CTDSPL: variants seen among roughly 807,000 people sequenced by gnomAD.
CTDSPL encodes the protein CTD small phosphatase-like protein.
In CTDSPL, 8 loss-of-function variants were observed where a neutral mutation model predicts 30.5. The observed-to-expected ratio is 0.26, with a 90% CI of 0.15 to 0.47. CTDSPL has a LOEUF of 0.47. CTDSPL is among the 20% of genes least tolerant of loss of function. The probability of loss-of-function intolerance (pLI) is 0.99; values close to 1 mark genes in which losing one functional copy is unlikely to be tolerated. For missense variants in CTDSPL, 248 were observed against 366.1 expected, an observed-to-expected ratio of 0.68 and a Z score of 2.63; for synonymous variants, 110 against 137.9, an observed-to-expected ratio of 0.80 and a Z score of 1.42.
rs115883585 is a variant in CTDSPL, at chr3:37,862,294, G to A, written c.79+16G>A. 15,806 of 1,481,986 alleles carry A rather than the reference G, an allele frequency of 0.011. 1,421 individuals carry two copies. The African/African-American group carries it at 0.2, about 19-fold the overall frequency. 91.8% of individuals were successfully genotyped at this position (1,481,986 alleles called of 1,614,324 possible). On this transcript the variant is annotated intron_variant, in intron 1 of 7. Coordinates refer to ENST00000273179, the MANE Select transcript of CTDSPL (RefSeq NM_001008392.2). This position sits in a 1 kb window ranked among gnomAD's most constrained non-coding sequence, Gnocchi z 4.3. Reference sequence around the variant, plus strand: ...GGCGAGAAAGGTGAGGAGGGGCGCAGGCGGCCGCGGGCTGGGGGCGAGCGC... The same window carrying A: ...GGCGAGAAAGGTGAGGAGGGGCGCAAGCGGCCGCGGGCTGGGGGCGAGCGC...
At chr3:37,878,609 T>G (rs561015410) in intron 1 of CTDSPL, among the ~76,000 whole-genome samples, 11 of 152,322 alleles carry the variant, frequency 7.2e-5, no homozygotes, top group South Asian at 4.1e-4. Context: ...AAATTTTTGG[T>G]CATGATTTAA....
At chr3:37,979,455 A>T (rs971715810) in intron 7 of CTDSPL, among the ~76,000 whole-genome samples, 2 of 152,156 alleles carry the variant, frequency 1.3e-5, no homozygotes, top group South Asian at 4.1e-4. Context: ...TACAAAAACT[A>T]GCTGGGCATG....
rs1559646354 is a variant in CTDSPL at position 37,964,541 on chromosome 3, A to G, written c.268-30A>G. 7 of 1,482,162 alleles carry G rather than the reference A, an allele frequency of 4.7e-6. No homozygotes were observed. The South Asian group carries it at 6.8e-5, about 14-fold the overall frequency. The allele number at this position is 1,482,162 out of a possible 1,614,324, so 91.8% of individuals were successfully genotyped here. Reference sequence around the variant, plus strand: ...ACTGATTGGTTTGTCTTTTACATAAATGTAATACTGATTTATTTTTCCCCT... The same window carrying G: ...ACTGATTGGTTTGTCTTTTACATAAGTGTAATACTGATTTATTTTTCCCCT... On this transcript the variant is annotated intron_variant, in intron 3 of 7. Coordinates refer to ENST00000273179, the MANE Select transcript of CTDSPL (RefSeq NM_001008392.2).
intron 1 of CTDSPL, among the ~76,000 whole-genome samples, chr3:37,865,627 G>T (rs1473266677): frequency 6.6e-6 from 1 of 152,136 alleles, no homozygotes; most frequent in Non-Finnish European, 1.5e-5. Context: ...GCTGTCTGAG[G>T]TAGGCTGCTG....
chr3:37,910,250 C>T lies in CTDSPL; in HGVS notation c.80-36807C>T, dbSNP rs62239978. Among the ~76,000 whole-genome samples the T allele has an allele frequency of 2.9e-3, 446 of 152,236 alleles. 2 individuals are homozygous for T. The highest frequency in any genetic ancestry group is 5.4e-3 in the Admixed American group (82 of 15,270). On this transcript the variant is annotated intron_variant, in intron 1 of 7. Coordinates refer to ENST00000273179, the MANE Select transcript of CTDSPL (RefSeq NM_001008392.2). Reference sequence around the variant, plus strand: ...ATCCCAGCACTTTGAGAAGCCAAGGCGGGTGGGTCACCTGAGGTTAGGAGT... The same window carrying T: ...ATCCCAGCACTTTGAGAAGCCAAGGTGGGTGGGTCACCTGAGGTTAGGAGT...
intron 4 of CTDSPL, among the ~76,000 whole-genome samples, chr3:37,966,998 A>G (rs1246822336): frequency 2.0e-5 from 3 of 152,244 alleles, no homozygotes; most frequent in Non-Finnish European, 2.9e-5. Flanking sequence ...TGAGAACGTA[A>G]TGACTGCTGA....
intron 1 of CTDSPL, among the ~76,000 whole-genome samples, chr3:37,933,938 G>T (rs1575305803): frequency 6.6e-6 from 1 of 152,202 alleles, no homozygotes; most frequent in South Asian, 2.1e-4. Context: ...TGCAGCATTT[G>T]CTGTGATGTA....
At chr3:37,960,525 TATATATATATAC>T (rs1487237525) in intron 3 of CTDSPL, among the ~76,000 whole-genome samples, 9 of 65,086 alleles carry the variant, frequency 1.4e-4, no homozygotes, top group African/African-American at 3.9e-4. Context: ...TATATATATA[TATATATATATAC>T]ACACACACAC....
chr3:37,947,154 AC>A lies in CTDSPL; in HGVS notation c.180del (p.Ser61AlafsTer39). 6.2e-7 allele frequency: 1 copy of A among 1,612,744 alleles called. No homozygotes were observed. Among genetic ancestry groups the A allele is most frequent in the Non-Finnish European group, 8.5e-7 (1 of 1,179,922 alleles). On this transcript the variant is annotated frameshift_variant, in exon 2 of 8. Transcript: ENST00000273179. LOFTEE classifies it high-confidence loss of function. ...FRDYNVEAPP[P>X]SSPSVLPPLV... is the part of the protein sequence containing the mutation. ...GTGATTACAATGTGGAGGCCCCTCC[AC>A]CCAGCAGCCCCAGTGTGCTTCCGCC...
intron 1 of CTDSPL, among the ~76,000 whole-genome samples, chr3:37,884,176 T>C (rs974851687): frequency 6.6e-6 from 1 of 152,088 alleles, no homozygotes; most frequent in Non-Finnish European, 1.5e-5. Flanking sequence ...GCAAAAAATA[T>C]TGAAAAAAAT....
intron 1 of CTDSPL, among the ~76,000 whole-genome samples, chr3:37,907,910 T>A (rs935541660): frequency 6.6e-6 from 1 of 152,226 alleles, no homozygotes; most frequent in African/African-American, 2.4e-5. Context: ...TTTGCCTAGA[T>A]ACGGCTAGTG....
Position 37,982,292 on chromosome 3 carries a change from G to A in CTDSPL, c.*1425G>A, listed in dbSNP as rs1299699645. On this transcript the variant is annotated 3_prime_UTR_variant, in exon 8 of 8. Transcript: ENST00000273179. Reference sequence around the variant, plus strand: ...GGGACTCATTGCCCCAAACCAGGGAGAGGAAGAGCTCCCACAGGGAGAGCC... The same window carrying A: ...GGGACTCATTGCCCCAAACCAGGGAAAGGAAGAGCTCCCACAGGGAGAGCC... 6.0e-6 allele frequency: 2 copies of A among 330,702 alleles called. No individual in the cohort carries two copies. Among genetic ancestry groups the A allele is most frequent in the Non-Finnish European group, 1.2e-5 (2 of 167,734 alleles). The allele number at this position is 330,702 out of a possible 1,614,324, so 20.5% of individuals were successfully genotyped here.
At chr3:37,942,036 G>T (rs1412861974) in intron 1 of CTDSPL, among the ~76,000 whole-genome samples, 1 of 150,268 alleles carries the variant, frequency 6.7e-6, no homozygotes, top group East Asian at 1.9e-4. Flanking sequence ...TGAAAGCATT[G>T]TTCTTTTCCT....
intron 1 of CTDSPL, among the ~76,000 whole-genome samples, chr3:37,890,852 G>C (rs1306586538): frequency 6.6e-6 from 1 of 152,220 alleles, no homozygotes; most frequent in African/African-American, 2.4e-5. Context: ...AGGGAGGAAA[G>C]AGGAAGGAAG....
chr3:37,881,703 A>G (rs575716044), intron 1 of CTDSPL, among the ~76,000 whole-genome samples: 3 of 152,330 alleles, frequency 2.0e-5, no homozygotes, highest in South Asian at 4.1e-4. Context: ...TACCATACAT[A>G]TAAAGTGTGA....
intron 1 of CTDSPL, among the ~76,000 whole-genome samples, chr3:37,922,061 A>G (rs1483445899): frequency 6.6e-6 from 1 of 152,026 alleles, no homozygotes; most frequent in Admixed American, 6.6e-5. Context: ...GTGAAACCCC[A>G]TCTCTACTAA....
chr3:37,930,975 C>T (rs888258290), intron 1 of CTDSPL, among the ~76,000 whole-genome samples: 4 of 152,072 alleles, frequency 2.6e-5, no homozygotes, highest in Admixed American at 1.3e-4. Flanking sequence ...TCTTTTTGGT[C>T]TGATATAAGT....
chr3:37,868,515 C>G (rs553280779), intron 1 of CTDSPL, among the ~76,000 whole-genome samples: 1 of 152,106 alleles, frequency 6.6e-6, no homozygotes, highest in East Asian at 1.9e-4. Flanking sequence ...TTTTCTCCTA[C>G]GCTTTTTCCA....
At chr3:37,929,977 G>T (rs182089498) in intron 1 of CTDSPL, among the ~76,000 whole-genome samples, 38 of 152,122 alleles carry the variant, frequency 2.5e-4, no homozygotes, top group Non-Finnish European at 1.0e-4. Flanking sequence ...GCATGGTGGT[G>T]CGTCCTGTAA....
Sources: gnomAD v4.1 joint callset for allele counts (sites outside exome capture counted in the v4.1 genomes callset) on GRCh38, gnomAD v4.1.1 for gene constraint, Gnocchi (gnomAD v3.1) non-coding constraint, MANE v1.5 for transcripts, NCBI Gene and HGNC (gene_info 2026-07-23, HGNC 2026-07-21) for gene names.